Variants in SPTLC3 observed in about 807,000 individuals in gnomAD.
SPTLC3 encodes the protein serine palmitoyltransferase long chain base subunit 3.
A neutral mutation model predicts 59.3 loss-of-function variants in SPTLC3; 36 were observed. That is an observed-to-expected ratio of 0.61 (90% confidence interval 0.47 to 0.80). SPTLC3 has a LOEUF of 0.80. SPTLC3 is among the 30% of genes least tolerant of loss of function. The probability of loss-of-function intolerance (pLI) is 0.00; values close to 1 mark genes in which losing one functional copy is unlikely to be tolerated. For synonymous variants in SPTLC3, 257 were observed against 240.8 expected, an observed-to-expected ratio of 1.07 and a Z score of -0.62; for missense variants, 625 against 685.1, an observed-to-expected ratio of 0.91 and a Z score of 0.98.
intron 2 of SPTLC3, chr20:13,050,943 C>G (rs1344354478): frequency 3.3e-5 from 5 of 152,144 alleles, no homozygotes; most frequent in African/African-American, 1.2e-4. Flanking sequence ...TGAAACAAAT[C>G]CTGGAAAACA....
chr20:13,129,243 T>G (rs976229035), intron 9 of SPTLC3, among the ~76,000 whole-genome samples: 1 of 152,044 alleles, frequency 6.6e-6, no homozygotes, highest in South Asian at 2.1e-4. Context: ...CTCAAGTGAT[T>G]TGCCCACCCC....
chr20:13,011,461 A>C (rs1985245267), intron 1 of SPTLC3, among the ~76,000 whole-genome samples: 1 of 152,132 alleles, frequency 6.6e-6, no homozygotes, highest in African/African-American at 2.4e-5. Flanking sequence ...TTGCAACCAC[A>C]CAGCAACACA....
chr20:13,017,144 G>A (rs1420209510), intron 1 of SPTLC3, among the ~76,000 whole-genome samples: 1 of 152,212 alleles, frequency 6.6e-6, no homozygotes, highest in Non-Finnish European at 1.5e-5. Context: ...GGCAGAGTCA[G>A]TGTGAGTTAA....
chr20:13,096,517 T>A lies in SPTLC3; in HGVS notation c.826+2940T>A, dbSNP rs560212956. On this transcript the variant is annotated intron_variant, in intron 6 of 11. Coordinates refer to ENST00000399002, the MANE Select transcript of SPTLC3 (RefSeq NM_018327.4). The stretch of plus-strand genomic sequence containing the variant: ...TCAAGAAAAATTATTTTAATTATTT[T>A]GAGTGAAATAAACCAGACACAAACG... Among the ~76,000 whole-genome samples the A allele has an allele frequency of 8.5e-5, 13 of 152,066 alleles. No individual in the cohort carries two copies. In the East Asian group the frequency reaches 1.7e-3, roughly 20 times the overall value.
At chr20:13,012,813 T>G (rs1281283102) in intron 1 of SPTLC3, among the ~76,000 whole-genome samples, 1 of 152,196 alleles carries the variant, frequency 6.6e-6, no homozygotes, top group Non-Finnish European at 1.5e-5. Context: ...AGTTCCTTTT[T>G]CAGTATGTTC....
rs1989833835 is a variant in SPTLC3, at chr20:13,105,427, T to C, written c.827-4685T>C. Among the ~76,000 whole-genome samples the C allele has an allele frequency of 1.3e-5, 2 of 152,178 alleles. 1 individual carries two copies. The highest frequency in any genetic ancestry group is 4.8e-5 in the African/African-American group (2 of 41,442). ...TGGAAAAGACTGGGATTCCTCTTGCTTCCCTCCGCAAAATGTATAAAACAC... is the reference window on the plus strand; with the variant it reads ...TGGAAAAGACTGGGATTCCTCTTGCCTCCCTCCGCAAAATGTATAAAACAC... On this transcript the variant is annotated intron_variant, in intron 6 of 11. Transcript: ENST00000399002.
At position 13,049,049 on chromosome 20, in the gene SPTLC3, C is replaced by A. The variant is rs151327623; in HGVS notation, c.222C>A (p.Thr74=). 5 of 1,613,600 alleles carry A rather than the reference C, an allele frequency of 3.1e-6. No individual in the cohort carries two copies. The South Asian group carries it at 4.4e-5, about 14-fold the overall frequency. ...VFTYMGYGIG[T]LFGYLRDFLR... ...CTTACATGGGATATGGAATTGGAAC[C>A]CTGTTTGGCTATCTCAGAGACTTTT... Residue 74 remains threonine (T), a synonymous_variant, in exon 2 of 12, where the codon ACC becomes ACA. Transcript: ENST00000399002.
At chr20:13,151,468 G>A (rs6041906) in intron 9 of SPTLC3, among the ~76,000 whole-genome samples, 5,812 of 152,242 alleles carry the variant, frequency 0.038, 161 homozygotes, top group African/African-American at 0.08. Flanking sequence ...ACAATAAGCC[G>A]GATGCTCTCT....
intron 1 of SPTLC3, among the ~76,000 whole-genome samples, chr20:13,030,143 C>A (rs552993764): frequency 6.6e-6 from 1 of 152,210 alleles, no homozygotes; most frequent in Non-Finnish European, 1.5e-5. Context: ...AGGAGCCCCA[C>A]CCTCATAATA....
rs200006260 is a variant in SPTLC3 at position 13,088,306 on chromosome 20, T to TTTG, written c.608-2759_608-2757dup. 7.4e-3 allele frequency among the ~76,000 whole-genome samples: 1,131 copies of TTTG among 152,204 alleles called. 15 individuals are homozygous for TTTG. Among genetic ancestry groups the TTTG allele is most frequent in the African/African-American group, 0.025 (1,044 of 41,522 alleles). On this transcript the variant is annotated intron_variant, in intron 4 of 11. Coordinates refer to ENST00000399002, the MANE Select transcript of SPTLC3 (RefSeq NM_018327.4). Reference sequence around the variant, plus strand: ...AGATTGACTACTAGAACACTTGTTTTTTGTTGTTGTTGTTGTTGTTTGTTT... The same window carrying TTTG: ...AGATTGACTACTAGAACACTTGTTTTTTGTTGTTGTTGTTGTTGTTGTTTGTTT...
chr20:13,031,200 G>A (rs1986428513), intron 1 of SPTLC3, among the ~76,000 whole-genome samples: 2 of 152,152 alleles, frequency 1.3e-5, no homozygotes, highest in South Asian at 4.1e-4. Flanking sequence ...TATGATGATG[G>A]AAATGCTCTA....
chr20:13,009,505 G>A, intron 1 of SPTLC3, 121 bp downstream of exon 1: 1 of 892,512 alleles, frequency 1.1e-6, no homozygotes, highest in Non-Finnish European at 1.7e-6. Context: ...TACATGTTTT[G>A]ACTGTTGACT....
At chr20:13,139,720 A>C (rs534837103) in intron 9 of SPTLC3, among the ~76,000 whole-genome samples, 20 of 152,364 alleles carry the variant, frequency 1.3e-4, no homozygotes, top group African/African-American at 4.8e-4. Flanking sequence ...AGTAAGAACC[A>C]GACTTTGCCA....
chr20:13,039,985 TTA>T (rs1255387241), intron 1 of SPTLC3, among the ~76,000 whole-genome samples: 2 of 152,004 alleles, frequency 1.3e-5, no homozygotes, highest in Admixed American at 1.3e-4. Flanking sequence ...TTGTACAATT[TTA>T]TGTCTTTTTT....
chr20:13,050,439 T>C (rs912628364), intron 2 of SPTLC3: 1 of 152,122 alleles, frequency 6.6e-6, no homozygotes, highest in Non-Finnish European at 1.5e-5. Context: ...GGGATTATGT[T>C]AAACAACCAA....
At chr20:13,010,992 G>C (rs926357883) in intron 1 of SPTLC3, among the ~76,000 whole-genome samples, 2 of 152,114 alleles carry the variant, frequency 1.3e-5, no homozygotes, top group African/African-American at 4.8e-5. Flanking sequence ...CCCTAAGAAC[G>C]GTCGAAAACA....
chr20:13,116,822 G>A (rs77195261), intron 7 of SPTLC3, among the ~76,000 whole-genome samples: 2,413 of 152,214 alleles, frequency 0.016, 62 homozygotes, highest in African/African-American at 0.055. Context: ...ACCCAATACC[G>A]ACTGAATCAG....
intron 11 of SPTLC3, among the ~76,000 whole-genome samples, chr20:13,163,442 G>A (rs1407806098): frequency 2.0e-5 from 3 of 149,344 alleles, no homozygotes; most frequent in Non-Finnish European, 4.4e-5. Context: ...TCTCACAGAT[G>A]CCCCAAATGT....
chr20:13,059,300 T>C (rs892960532), intron 2 of SPTLC3, among the ~76,000 whole-genome samples: 5 of 152,234 alleles, frequency 3.3e-5, no homozygotes, highest in African/African-American at 9.6e-5. Context: ...GTTCTTTCGC[T>C]GTTTCACTGT....
Sources: gnomAD v4.1 joint callset for allele counts (sites outside exome capture counted in the v4.1 genomes callset) on GRCh38, gnomAD v4.1.1 for gene constraint, MANE v1.5 for transcripts, NCBI Gene and HGNC (gene_info 2026-07-23, HGNC 2026-07-21) for gene names.